The following THOC5 variants were observed in gnomAD, a reference collection of about 807,000 sequenced individuals.
THOC5 encodes the protein Fms-interacting protein.
A neutral mutation model predicts 92.9 loss-of-function variants in THOC5; 43 were observed. The ratio of observed to expected loss-of-function variants is 0.46; its 90% CI spans 0.36 to 0.60. THOC5 has a LOEUF of 0.60. Ranked by LOEUF, THOC5 falls within the 20% of genes least tolerant of loss-of-function variation. The probability of loss-of-function intolerance (pLI) is 0.00; values close to 1 mark genes in which losing one functional copy is unlikely to be tolerated. For missense variants in THOC5, 659 were observed against 849.4 expected, an observed-to-expected ratio of 0.78 and a Z score of 2.79; for synonymous variants, 296 against 320.1, an observed-to-expected ratio of 0.92 and a Z score of 0.80.
intron 8 of THOC5, chr22:29,531,158 A>C: frequency 8.8e-7 from 1 of 1,136,688 alleles, no homozygotes; most frequent in Non-Finnish European, 1.1e-6. Flanking sequence ...GAGGACCAGA[A>C]GGACGAGGAA....
chr22:29,540,140 C>A (rs544654659), intron 5 of THOC5, among the ~76,000 whole-genome samples: 9 of 152,120 alleles, frequency 5.9e-5, no homozygotes, highest in African/African-American at 2.2e-4. Context: ...GGCGTGGTGA[C>A]GCATGCCTGT....
In THOC5 at chr22:29,549,069, G is replaced by T. The variant is rs373388267; in HGVS notation, c.79C>A (p.Arg27=). 5 of 1,613,980 alleles carry T rather than the reference G, an allele frequency of 3.1e-6. No homozygotes were observed. Among genetic ancestry groups the T allele is most frequent in the African/African-American group, 1.3e-5 (1 of 74,926 alleles). ...GATCTCACCTGCTCGGTGTCAGATC[G>T]ATTCCGCTTTCCTTCAGCTGGGGCT... ...DGAPAEGKRN[R]SDTEQEGKYY... is the part of the protein sequence containing the mutation. Residue 27 remains arginine, a synonymous_variant, in exon 2 of 20, where the codon CGA becomes AGA. Coordinates refer to ENST00000490103, the MANE Select transcript of THOC5 (RefSeq NM_003678.5).
At chr22:29,546,219 G>C (rs467555) in intron 2 of THOC5, among the ~76,000 whole-genome samples, 57 of 152,044 alleles carry the variant, frequency 3.7e-4, no homozygotes, top group Non-Finnish European at 7.5e-4. Context: ...GGGACCCTGG[G>C]CCTGGCCCAG....
At chr22:29,542,506 G>A (rs1490679704) in intron 5 of THOC5, among the ~76,000 whole-genome samples, 1 of 152,214 alleles carries the variant, frequency 6.6e-6, no homozygotes, top group African/African-American at 2.4e-5. Flanking sequence ...GCTCACGCCT[G>A]TAATCCCAGC....
At chr22:29,511,810 G>A (rs1259600740) in intron 18 of THOC5, among the ~76,000 whole-genome samples, 1 of 152,154 alleles carries the variant, frequency 6.6e-6, no homozygotes, top group East Asian at 1.9e-4. Context: ...CTCTAAGTGG[G>A]GAAACCTGTG....
chr22:29,531,522 C>G (rs1341834119), intron 8 of THOC5: 3 of 1,106,694 alleles, frequency 2.7e-6, no homozygotes, highest in Non-Finnish European at 3.3e-6. Context: ...AACTGCCAAG[C>G]GTGCCTTGAT....
chr22:29,537,154 A>G (rs944305720), intron 6 of THOC5, among the ~76,000 whole-genome samples: 1 of 152,230 alleles, frequency 6.6e-6, no homozygotes, highest in Non-Finnish European at 1.5e-5. Context: ...TTTCACAAAC[A>G]TGGACTTAGC....
intron 2 of THOC5, among the ~76,000 whole-genome samples, chr22:29,546,901 C>T (rs1467931432): frequency 2.0e-5 from 3 of 150,950 alleles, no homozygotes; most frequent in Non-Finnish European, 2.9e-5. Context: ...AGTGCAATGG[C>T]GCAATCTCAG....
At chr22:29,515,351 T>C (rs1216774287) in intron 17 of THOC5, among the ~76,000 whole-genome samples, 4 of 152,294 alleles carry the variant, frequency 2.6e-5, no homozygotes, top group African/African-American at 9.6e-5. Context: ...TGTATATTGT[T>C]TTTTAAAAAC....
rs1374985676 is a variant in THOC5, at chr22:29,517,134, G to A, written c.1594-18C>T. 3 of 1,613,878 alleles carry A rather than the reference G, an allele frequency of 1.9e-6. No individual in the cohort carries two copies. Among genetic ancestry groups the A allele is most frequent in the East Asian group, 4.5e-5 (2 of 44,882 alleles). Reference sequence around the variant, plus strand: ...TGCAGCTCCTAGAAGAGGTACCACAGACAAGAGGTGAACTGCTGGCTCCTC... The same window carrying A: ...TGCAGCTCCTAGAAGAGGTACCACAAACAAGAGGTGAACTGCTGGCTCCTC... On this transcript the variant is annotated intron_variant, in intron 16 of 19. Transcript: ENST00000490103.
intron 8 of THOC5, 185 bp downstream of exon 8, chr22:29,531,646 T>A: frequency 7.3e-7 from 1 of 1,364,342 alleles, no homozygotes; most frequent in Non-Finnish European, 9.4e-7. Context: ...ATCAGGTTAA[T>A]CCAGCCTTAG....
At chr22:29,552,399 C>T (rs1056688207) in intron 1 of THOC5, among the ~76,000 whole-genome samples, 2 of 151,170 alleles carry the variant, frequency 1.3e-5, no homozygotes, top group Non-Finnish European at 3.0e-5. Flanking sequence ...GCCCCGCCGC[C>T]CCGTCTGGGA....
chr22:29,538,070 C>T (rs1017119993), intron 6 of THOC5, among the ~76,000 whole-genome samples: 7 of 152,040 alleles, frequency 4.6e-5, no homozygotes, highest in African/African-American at 1.7e-4. Context: ...GCAACCTCTG[C>T]CTCCCGGCTT....
chr22:29,508,829 T>A (rs2063168621), intron 19 of THOC5, among the ~76,000 whole-genome samples: 1 of 152,022 alleles, frequency 6.6e-6, no homozygotes, highest in South Asian at 2.1e-4. Context: ...ACGGAGTCTC[T>A]GTGTCGCCCA....
At chr22:29,543,377 G>A in intron 4 of THOC5, 52 bp downstream of exon 4, 1 of 1,142,592 alleles carries the variant, frequency 8.8e-7, no homozygotes, top group East Asian at 2.3e-5. Flanking sequence ...AAAAAAGAAG[G>A]GGATGGGGAG....
At position 29,536,643 on chromosome 22, in the gene THOC5, C is replaced by T. The variant is rs769986095; in HGVS notation, c.695G>A (p.Arg232His). The stretch of plus-strand genomic sequence containing the variant: ...CCCCACCTGCATGATGCTGTTGAGG[C>T]GGGGCTGGAGGCTGCTCAGGTACTC... ...KKEYLSSLQP[R>H]LNSIMQASLP... Residue 232 changes from arginine (R) to histidine (H), a missense_variant, in exon 7 of 20, where the codon CGC becomes CAC. Physicochemically the swap from Arg to His is conservative, Grantham distance 29 (BLOSUM62 0). Coordinates refer to ENST00000490103, the MANE Select transcript of THOC5 (RefSeq NM_003678.5). 6 of 1,610,762 alleles carry T rather than the reference C, an allele frequency of 3.7e-6. No individual in the cohort carries two copies. The South Asian group carries it at 4.4e-5, about 12-fold the overall frequency.
At chr22:29,521,336 T>C (rs929795478) in intron 12 of THOC5, among the ~76,000 whole-genome samples, 1 of 152,172 alleles carries the variant, frequency 6.6e-6, no homozygotes, top group Admixed American at 6.6e-5. Context: ...TTAAAAGATA[T>C]GGCTTATTCA....
At chr22:29,520,928 A>C in intron 13 of THOC5, 70 bp downstream of exon 13, 1 of 1,223,218 alleles carries the variant, frequency 8.2e-7, no homozygotes, top group Non-Finnish European at 1.2e-6. Context: ...ACAGGTCTCC[A>C]GCATTTAGCT....
In THOC5 at chr22:29,538,007, G is replaced by C. The variant is rs1040617517; in HGVS notation, c.600-1269C>G. ...ATTTATTTATTTATTTTTTGAGACG[G>C]AGTCTCATTCTGTCGCCCAGGCTAG... On this transcript the variant is annotated intron_variant, in intron 6 of 19. Transcript: ENST00000490103. Among the ~76,000 whole-genome samples, 11 of 152,222 alleles carry C rather than the reference G, an allele frequency of 7.2e-5. No homozygotes were observed. The South Asian group carries it at 2.3e-3, about 32-fold the overall frequency.
Sources: gnomAD v4.1 joint callset for allele counts (sites outside exome capture counted in the v4.1 genomes callset) on GRCh38, gnomAD v4.1.1 for gene constraint, MANE v1.5 for transcripts, NCBI Gene and HGNC (gene_info 2026-07-23, HGNC 2026-07-21) for gene names.